STX10: variants seen among roughly 807,000 people sequenced by gnomAD.
STX10 encodes syntaxin-10.
In STX10, 35 loss-of-function variants were observed where a neutral mutation model predicts 34.1. The observed-to-expected ratio is 1.03, with a 90% CI of 0.78 to 1.36. STX10 has a LOEUF of 1.36. STX10 is among the 40% of genes most tolerant of loss of function. STX10 has a pLI of 0.00. For synonymous variants in STX10, 155 were observed against 132.9 expected, an observed-to-expected ratio of 1.17 and a Z score of -1.15; for missense variants, 361 against 335.5, an observed-to-expected ratio of 1.08 and a Z score of -0.59.
Position 13,150,075 on chromosome 19 carries a change from C to T in STX10, c.35+64G>A. On this transcript the variant is annotated intron_variant, in intron 1 of 7. Transcript: ENST00000587230. The surrounding 1 kb of genome is among the most constrained non-coding windows in gnomAD (Gnocchi z 4.0). ...AGCCCGCCGGGCACGCTGGGGCCGG[C>T]ACCCGGGCACTGGCTGGCTTGGGTA... 1.8e-6 allele frequency: 2 copies of T among 1,121,704 alleles called. No individual in the cohort carries two copies. The highest frequency in any genetic ancestry group is 1.3e-6 in the Non-Finnish European group (1 of 753,260). 69.5% of individuals were successfully genotyped at this position (1,121,704 alleles called of 1,614,324 possible).
At chr19:13,146,969 A>C (rs2019912971) in intron 4 of STX10, among the ~76,000 whole-genome samples, 1 of 151,050 alleles carries the variant, frequency 6.6e-6, no homozygotes, top group Non-Finnish European at 1.5e-5. Flanking sequence ...GACCCCACGT[A>C]CGCTTATGAG....
intron 4 of STX10, among the ~76,000 whole-genome samples, chr19:13,146,818 G>A (rs953563408): frequency 6.6e-6 from 1 of 152,024 alleles, no homozygotes; most frequent in African/African-American, 2.4e-5. Context: ...TGAGATTTTA[G>A]GTGTGAGCCA....
At position 13,144,834 on chromosome 19, in the gene STX10, C is replaced by T; in HGVS notation, c.508G>A (p.Val170Met). ...TTCAGAACCTGGATGCTCCCAGACA[C>T]CATCTCCAGCTGTTGATCCTGTTCA... is the stretch of plus-strand genomic sequence containing the variant. ...MDEQDQQLEM[V>M]SGSIQVLKHM... The change falls in exon 6 of 8, where the codon GTG becomes ATG. Residue 170 changes from valine (V) to methionine (M), a missense_variant. Val to Met is a conservative substitution (Grantham distance 21, BLOSUM62 1). Transcript: ENST00000587230. 6.2e-7 allele frequency: 1 copy of T among 1,614,008 alleles called. No homozygotes were observed. Among genetic ancestry groups the T allele is most frequent in the Non-Finnish European group, 8.5e-7 (1 of 1,180,010 alleles).
At chr19:13,144,727 G>A (rs781284778) in intron 6 of STX10, 37 bp downstream of exon 6, 7 of 1,612,644 alleles carry the variant, frequency 4.3e-6, no homozygotes, top group African/African-American at 1.3e-5. Flanking sequence ...CAGGGTGGCC[G>A]AGAGCCCCTG....
chr19:13,146,829 C>T (rs1459314017), intron 4 of STX10, among the ~76,000 whole-genome samples: 2 of 152,216 alleles, frequency 1.3e-5, no homozygotes, highest in South Asian at 2.1e-4. Context: ...GTGTGAGCCA[C>T]CGTGCCCGGC....
chr19:13,150,094 T>C lies in STX10; in HGVS notation c.35+45A>G. 8.9e-7 allele frequency: 1 copy of C among 1,127,610 alleles called. No homozygotes were observed. The highest frequency in any genetic ancestry group is 1.5e-5 in the African/African-American group (1 of 65,070). The allele number at this position is 1,127,610 out of a possible 1,614,324, so 69.9% of individuals were successfully genotyped here. ...GGCCGGCACCCGGGCACTGGCTGGCTTGGGTACAGAGCACCCTCCGCCCTC... is the reference window on the plus strand; with the variant it reads ...GGCCGGCACCCGGGCACTGGCTGGCCTGGGTACAGAGCACCCTCCGCCCTC... On this transcript the variant is annotated intron_variant, in intron 1 of 7. Coordinates refer to ENST00000587230, the MANE Select transcript of STX10 (RefSeq NM_003765.3). This position sits in a 1 kb window ranked among gnomAD's most constrained non-coding sequence, Gnocchi z 4.0.
In STX10 at chr19:13,144,436, CGAG is replaced by C; in HGVS notation, c.721_723del (p.Leu241del). ...CAGAGAGAGAATAGTAAGATGAGAACGAGGAGAAGCACCCCCACTAGCACGGCG... is the reference window on the plus strand; with the variant it reads ...CAGAGAGAGAATAGTAAGATGAGAACGAGAAGCACCCCCACTAGCACGGCG... On this transcript the variant is annotated inframe_deletion, in exon 8 of 8. Transcript: ENST00000587230. 2 of 1,612,130 alleles carry C rather than the reference CGAG, an allele frequency of 1.2e-6. No individual in the cohort carries two copies. Among genetic ancestry groups the C allele is most frequent in the South Asian group, 1.1e-5 (1 of 90,500 alleles).
intron 4 of STX10, among the ~76,000 whole-genome samples, chr19:13,147,050 C>T (rs2019914718): frequency 6.8e-6 from 1 of 146,470 alleles, no homozygotes; most frequent in Non-Finnish European, 1.5e-5. Flanking sequence ...AAAAAGTGGA[C>T]TGACAGAGGT....
At chr19:13,146,025 CAAAAAAAAAAAAAA>C (rs71168666) in intron 4 of STX10, among the ~76,000 whole-genome samples, 1 of 75,992 alleles carries the variant, frequency 1.3e-5, no homozygotes, top group African/African-American at 4.8e-5. Context: ...GACCTTCTCT[CAAAAAAAAAAAAAA>C]AAAAAAAAAT....
chr19:13,148,332 C>T lies in STX10; in HGVS notation c.363+697G>A, dbSNP rs561645534. 7.3e-5 allele frequency among the ~76,000 whole-genome samples: 11 copies of T among 151,536 alleles called. No homozygotes were observed. In the East Asian group the frequency reaches 1.4e-3, roughly 19 times the overall value. Reference sequence around the variant, plus strand: ...CAGCCTGACCAACATGGAGAAACCCCGTCTCTACTAAAAATACAAAATTAG... The same window carrying T: ...CAGCCTGACCAACATGGAGAAACCCTGTCTCTACTAAAAATACAAAATTAG... On this transcript the variant is annotated intron_variant, in intron 4 of 7. Coordinates refer to ENST00000587230, the MANE Select transcript of STX10 (RefSeq NM_003765.3).
chr19:13,150,337 G>A lies in STX10; in HGVS notation c.-164C>T. ...AGAAGCCTCGGAGGCCCGACGTGCG[G>A]ACACTTCCGCCCTCTCCTCAGCCAT... is the stretch of plus-strand genomic sequence containing the variant. On this transcript the variant is annotated 5_prime_UTR_variant, in exon 1 of 8. Coordinates refer to ENST00000587230, the MANE Select transcript of STX10 (RefSeq NM_003765.3). This position sits in a 1 kb window ranked among gnomAD's most constrained non-coding sequence, Gnocchi z 4.0. 1 of 601,936 alleles carries A rather than the reference G, an allele frequency of 1.7e-6. No homozygotes were observed. The allele number at this position is 601,936 out of a possible 1,614,324, so 37.3% of individuals were successfully genotyped here. A position where few individuals can be genotyped will look rare whatever the true frequency, so the allele number is the denominator to read the frequency against.
chr19:13,144,799 G>A lies in STX10; in HGVS notation c.543C>T (p.Ser181=), dbSNP rs375744171. ...CGTCCAGCTCTTCTCCAACGCGGCC[G>A]GACATGTGCTTCAGAACCTGGATGC... ...SGSIQVLKHM[S]GRVGEELDEQ... The change falls in exon 6 of 8, where the codon TCC becomes TCT. Residue 181 remains serine, a synonymous_variant. Transcript: ENST00000587230. The A allele has an allele frequency of 9.3e-6, 15 of 1,613,830 alleles. No individual in the cohort carries two copies. The highest frequency in any genetic ancestry group is 5.0e-5 in the Admixed American group (3 of 59,984).
chr19:13,144,907 G>A (rs1044559969), intron 5 of STX10, 37 bp from the exon 6 acceptor site: 4 of 1,570,826 alleles, frequency 2.5e-6, no homozygotes, highest in African/African-American at 2.7e-5. Flanking sequence ...TGTTGAAAAC[G>A]ACCCCAGAAG....
intron 6 of STX10, 37 bp from the exon 7 acceptor site, chr19:13,144,708 C>T (rs1242919134): frequency 6.2e-7 from 1 of 1,613,120 alleles, no homozygotes; most frequent in African/African-American, 1.3e-5. Context: ...CCAGATGGCC[C>T]AGACACACCA....
At position 13,148,886 on chromosome 19, in the gene STX10, T is replaced by C. The variant is rs578141428; in HGVS notation, c.363+143A>G. 12 of 500,800 alleles carry C rather than the reference T, an allele frequency of 2.4e-5. No individual in the cohort carries two copies. In the East Asian group the frequency reaches 3.3e-4, roughly 14 times the overall value. The allele number at this position is 500,800 out of a possible 1,614,324, so 31.0% of individuals were successfully genotyped here. ...GGTTCAGGTGCACACACCGAGAAAG[T>C]GCAGGCAGGTAGACAGCAAGAAGAT... On this transcript the variant is annotated intron_variant, in intron 4 of 7. Transcript: ENST00000587230.
At chr19:13,149,411 CA>C (rs142737763) in intron 3 of STX10, 87 bp downstream of exon 3, 24,912 of 610,262 alleles carry the variant, frequency 0.041, 1 homozygote, top group South Asian at 0.072. Flanking sequence ...GGCTCTGTCT[CA>C]AAAAAAAAAA....
At chr19:13,149,381 C>T in intron 3 of STX10, 118 bp downstream of exon 3, 2 of 893,120 alleles carry the variant, frequency 2.2e-6, no homozygotes, top group African/African-American at 1.8e-5. Flanking sequence ...CACTGTACTC[C>T]AGCCTGGGCG....
Position 13,147,079 on chromosome 19 carries a change from AACACAC to A in STX10, c.364-1690_364-1685del, listed in dbSNP as rs55785762. 2.3e-3 allele frequency among the ~76,000 whole-genome samples: 341 copies of A among 145,246 alleles called. 1 individual carries two copies. The highest frequency in any genetic ancestry group is 7.9e-3 in the African/African-American group (312 of 39,492). On this transcript the variant is annotated intron_variant, in intron 4 of 7. Coordinates refer to ENST00000587230, the MANE Select transcript of STX10 (RefSeq NM_003765.3). ...CAGAGGTGGTTGGGAGAAACACAGA[AACACAC>A]ACACACACACACACACACACACACA...
chr19:13,145,525 A>G (rs1459888856), intron 4 of STX10, 130 bp from the exon 5 acceptor site: 21 of 681,632 alleles, frequency 3.1e-5, no homozygotes, highest in Admixed American at 8.1e-5. Context: ...CCCACTCACC[A>G]CTTACTAGCA....
Sources: gnomAD v4.1 joint callset for allele counts (sites outside exome capture counted in the v4.1 genomes callset) on GRCh38, gnomAD v4.1.1 for gene constraint, Gnocchi (gnomAD v3.1) non-coding constraint, MANE v1.5 for transcripts, NCBI Gene and HGNC (gene_info 2026-07-23, HGNC 2026-07-21) for gene names.